The following TMTC1 variants were observed in gnomAD, a reference collection of about 807,000 sequenced individuals.
The protein encoded by TMTC1 is protein O-mannosyl-transferase TMTC1.
TMTC1 carries 73 observed loss-of-function variants against 104.8 expected under a neutral mutation model. That is an observed-to-expected ratio of 0.70 (90% CI 0.58 to 0.85). The LOEUF is 0.85. Among genes scored for constraint, TMTC1 ranks in the 40% least tolerant of loss-of-function variants. The pLI is 0.00. For missense variants in TMTC1, 1,035 were observed against 1,096.1 expected (o/e 0.94, Z 0.79); for synonymous variants, 434 against 428.7 (o/e 1.01, Z -0.15).
chr12:29,656,061 C>A (rs192335578), intron 5 of TMTC1, among the ~76,000 whole-genome samples: 173 of 152,150 alleles, frequency 1.1e-3, no homozygotes, highest in Admixed American at 3.6e-3. Flanking sequence ...GACTGCAGAG[C>A]CAGCCAAGTC....
chr12:29,731,431 T>C (rs1201623196), intron 5 of TMTC1, among the ~76,000 whole-genome samples: 2 of 152,204 alleles, frequency 1.3e-5, no homozygotes, highest in Non-Finnish European at 1.5e-5. Flanking sequence ...GCTGGAATTA[T>C]ATGCCCACAA....
intron 10 of TMTC1, among the ~76,000 whole-genome samples, chr12:29,537,054 G>C (rs895610934): frequency 1.3e-5 from 2 of 152,118 alleles, no homozygotes; most frequent in Admixed American, 6.5e-5. Flanking sequence ...GAGACATTGG[G>C]TCATTATGCT....
intron 10 of TMTC1, among the ~76,000 whole-genome samples, chr12:29,555,134 C>CTTTTTTTTTTTTT (rs77513599): frequency 1.1e-5 from 1 of 88,202 alleles, no homozygotes; most frequent in Non-Finnish European, 2.0e-5. Context: ...TTCCAACATC[C>CTTTTTTTTTTTTT]TTTTTTTTTT....
At chr12:29,656,319 GATAT>G (rs71045824) in intron 5 of TMTC1, among the ~76,000 whole-genome samples, 8 of 139,322 alleles carry the variant, frequency 5.7e-5, no homozygotes, top group Admixed American at 7.3e-5. Flanking sequence ...AATTTCCCTG[GATAT>G]ATATATATAT....
chr12:29,520,802 C>CA (rs113588704), intron 11 of TMTC1, 82 bp from the exon 12 acceptor site: 11,639 of 929,388 alleles, frequency 0.013, 25 homozygotes, highest in South Asian at 0.022. Flanking sequence ...GCAGGAAAAG[C>CA]AAAAAAAAAA....
intron 10 of TMTC1, among the ~76,000 whole-genome samples, chr12:29,550,061 A>T (rs991238544): frequency 2.6e-5 from 4 of 152,132 alleles, no homozygotes; most frequent in Non-Finnish European, 4.4e-5. Flanking sequence ...GCTCAATCCT[A>T]TGTAACAAAT....
At chr12:29,557,103 ACTGAATTATT>A in intron 9 of TMTC1, 103 bp from the exon 10 acceptor site, 2 of 1,274,210 alleles carry the variant, frequency 1.6e-6, no homozygotes, top group Non-Finnish European at 2.2e-6. Context: ...AAAATGAAAC[ACTGAATTATT>A]CTTGTACTTG....
intron 5 of TMTC1, among the ~76,000 whole-genome samples, chr12:29,729,446 C>A (rs1942489056): frequency 6.6e-6 from 1 of 152,104 alleles, no homozygotes; most frequent in African/African-American, 2.4e-5. Context: ...GAGGGGGAAC[C>A]TGGCCCAAGA....
chr12:29,707,458 C>T (rs1033211376), intron 5 of TMTC1, among the ~76,000 whole-genome samples: 3 of 152,178 alleles, frequency 2.0e-5, no homozygotes, highest in Non-Finnish European at 4.4e-5. Context: ...TCTTCAGCTC[C>T]AGGCATCGCG....
At chr12:29,737,826 G>T (rs560646996) in intron 5 of TMTC1, among the ~76,000 whole-genome samples, 1 of 152,166 alleles carries the variant, frequency 6.6e-6, no homozygotes, top group Non-Finnish European at 1.5e-5. Context: ...CTTCCCAAGG[G>T]CGTGGTGACA....
intron 17 of TMTC1, 21 bp from the exon 18 acceptor site, chr12:29,507,007 G>C (rs1943710030): frequency 6.2e-7 from 1 of 1,606,930 alleles, no homozygotes; most frequent in Non-Finnish European, 8.5e-7. Context: ...GAAAGAGGGA[G>C]CAATTACATT....
At position 29,514,578 on chromosome 12, in the gene TMTC1, G is replaced by A. The variant is rs1193098936; in HGVS notation, c.2334C>T (p.Leu778=). 6.2e-7 allele frequency: 1 copy of A among 1,614,026 alleles called. No homozygotes were observed. The highest frequency in any genetic ancestry group is 8.5e-7 in the Non-Finnish European group (1 of 1,179,980). ...DKALDAIDKA[L]QLKPKDPKVI... Reference sequence around the variant, plus strand: ...CTTTTGGGTCCTTTGGTTTCAGCTGGAGAGCCTTGTCTATAGCATCAAGTG... The same window carrying A: ...CTTTTGGGTCCTTTGGTTTCAGCTGAAGAGCCTTGTCTATAGCATCAAGTG... The change falls in exon 16 of 18, where the codon CTC becomes CTT. Residue 778 remains leucine (L), a synonymous_variant. Coordinates refer to ENST00000539277, the MANE Select transcript of TMTC1 (RefSeq NM_001193451.2).
intron 5 of TMTC1, among the ~76,000 whole-genome samples, chr12:29,744,241 A>C (rs1942896636): frequency 6.6e-6 from 1 of 152,206 alleles, no homozygotes; most frequent in Admixed American, 6.5e-5. Context: ...ACCGATACCC[A>C]ATCAAGATGA....
intron 5 of TMTC1, among the ~76,000 whole-genome samples, chr12:29,676,544 T>C (rs1161545047): frequency 6.6e-6 from 1 of 152,196 alleles, no homozygotes; most frequent in Non-Finnish European, 1.5e-5. Flanking sequence ...TTTGCTCAAG[T>C]AGGAAACCTG....
intron 8 of TMTC1, among the ~76,000 whole-genome samples, chr12:29,580,792 T>C (rs963078979): frequency 1.1e-4 from 16 of 152,220 alleles, no homozygotes; most frequent in African/African-American, 3.1e-4. Flanking sequence ...CTTAGTCACC[T>C]ACCCACCTAC....
chr12:29,517,284 G>A lies in TMTC1; in HGVS notation c.2169+143C>T, dbSNP rs58461380. ...TTTGGTGTCCATGTCTTTAGAGAAT[G>A]GCTCTAACATTAGCTGTATGAATAT... On this transcript the variant is annotated intron_variant, in intron 14 of 17. Coordinates refer to ENST00000539277, the MANE Select transcript of TMTC1 (RefSeq NM_001193451.2). 0.014 allele frequency: 11,061 copies of A among 803,528 alleles called. 853 individuals are homozygous for A. The African/African-American group carries it at 0.17, about 12-fold the overall frequency. 49.8% of individuals were successfully genotyped at this position (803,528 alleles called of 1,614,324 possible).
chr12:29,680,711 T>C (rs1160932697), intron 5 of TMTC1, among the ~76,000 whole-genome samples: 3 of 152,184 alleles, frequency 2.0e-5, no homozygotes, highest in Admixed American at 6.5e-5. Context: ...ATGTCTCTTA[T>C]GTGAACACTG....
intron 1 of TMTC1, among the ~76,000 whole-genome samples, chr12:29,778,698 T>C (rs1401135986): frequency 6.6e-6 from 1 of 152,264 alleles, no homozygotes; most frequent in Non-Finnish European, 1.5e-5. Context: ...TTCATTGTAA[T>C]TCTAAATTCA....
chr12:29,521,722 C>T (rs967308496), intron 11 of TMTC1, among the ~76,000 whole-genome samples: 3 of 151,954 alleles, frequency 2.0e-5, no homozygotes, highest in African/African-American at 7.3e-5. Context: ...CATGTGCCAC[C>T]ATGCCCAGCT....
Sources: gnomAD v4.1 joint callset for allele counts (sites outside exome capture counted in the v4.1 genomes callset) on GRCh38, gnomAD v4.1.1 for gene constraint, MANE v1.5 for transcripts, NCBI Gene and HGNC (gene_info 2026-07-23, HGNC 2026-07-21) for gene names.